Variants in CDH23 observed in about 807,000 individuals in gnomAD.
The protein encoded by CDH23 is cadherin related 23, also known as cadherin-23.
Under a neutral mutation model 317.1 loss-of-function variants are expected in CDH23, and 189 were observed. The ratio of observed to expected loss-of-function variants is 0.60; its 90% confidence interval spans 0.53 to 0.67. The LOEUF is 0.67. Among genes scored for constraint, CDH23 ranks in the 30% least tolerant of loss-of-function variants. CDH23 has a pLI of 0.00. For missense variants in CDH23, 4,401 were observed against 4,592.4 expected, an observed-to-expected ratio of 0.96 and a Z score of 1.20; for synonymous variants, 1,839 against 1,876.8, an observed-to-expected ratio of 0.98 and a Z score of 0.52.
chr10:71,688,863 G>C (rs1865036739), intron 19 of CDH23, among the ~76,000 whole-genome samples: 1 of 130,740 alleles, frequency 7.6e-6, no homozygotes, highest in African/African-American at 2.8e-5. Context: ...AGGGGTGGTG[G>C]AGTCAGGGAT....
chr10:71,801,826 G>A (rs1841565751), intron 53 of CDH23, among the ~76,000 whole-genome samples: 2 of 152,170 alleles, frequency 1.3e-5, no homozygotes, highest in African/African-American at 4.8e-5. Context: ...ACACATGCAT[G>A]TGCTGTGTTG....
At chr10:71,761,614 C>T (rs3747867) in intron 38 of CDH23, 396,593 of 1,592,606 alleles carry the variant, frequency 0.25, 50,836 homozygotes, top group Non-Finnish European at 0.27. Flanking sequence ...GCACCTGCAG[C>T]TCCATGGCAC....
At position 71,728,064 on chromosome 10, in the gene CDH23, A is replaced by G. The variant is rs143303743; in HGVS notation, c.3580-2405A>G. 3.6e-3 allele frequency among the ~76,000 whole-genome samples: 544 copies of G among 152,132 alleles called. 4 individuals carry two copies. The highest frequency in any genetic ancestry group is 0.012 in the African/African-American group (514 of 41,500). On this transcript the variant is annotated intron_variant, in intron 30 of 69. Coordinates refer to ENST00000224721, the MANE Select transcript of CDH23 (RefSeq NM_022124.6). Reference sequence around the variant, plus strand: ...GTCAGCCTGGCCCTGTTTTTTCCCCACAACCCTTGGAGTCAAGGTCATTTG... The same window carrying G: ...GTCAGCCTGGCCCTGTTTTTTCCCCGCAACCCTTGGAGTCAAGGTCATTTG...
At chr10:71,783,082 T>C (rs10823844) in intron 41 of CDH23, among the ~76,000 whole-genome samples, 78,504 of 152,092 alleles carry the variant, frequency 0.52, 20,684 homozygotes, top group Middle Eastern at 0.71. Flanking sequence ...CAGTGCCCCA[T>C]TCTGGGCCCT....
intron 44 of CDH23, among the ~76,000 whole-genome samples, chr10:71,788,562 T>A (rs1387469480): frequency 6.6e-6 from 1 of 151,974 alleles, no homozygotes; most frequent in Non-Finnish European, 1.5e-5. Context: ...TTCATGCCAT[T>A]CTCCTGCCTC....
intron 6 of CDH23, among the ~76,000 whole-genome samples, chr10:71,538,837 T>C (rs772805040): frequency 2.6e-5 from 4 of 152,232 alleles, no homozygotes; most frequent in Non-Finnish European, 4.4e-5. Context: ...TGGGAGTTCT[T>C]ACCGCTCAGT....
chr10:71,403,433 CTTCCTTCCTTCCTTCCTTCCT>C (rs1847926191), intron 1 of CDH23, among the ~76,000 whole-genome samples: 5 of 71,490 alleles, frequency 7.0e-5, no homozygotes, highest in Admixed American at 6.1e-4. Flanking sequence ...TCCTTCCTTC[CTTCCTTCCTTCCTTCCTTCCT>C]TTCCTTCCTT....
intron 6 of CDH23, among the ~76,000 whole-genome samples, chr10:71,523,519 T>A (rs1255820320): frequency 1.3e-5 from 2 of 152,144 alleles, no homozygotes; most frequent in Non-Finnish European, 2.9e-5. Flanking sequence ...GTGGAAGTAA[T>A]GCCTAAAGTG....
Position 71,730,490 on chromosome 10 carries a change from A to C in CDH23, c.3601A>C (p.Ile1201Leu), listed in dbSNP as rs1174003579. Residue 1201 changes from isoleucine to leucine, a missense_variant, in exon 31 of 70, where the codon ATC (isoleucine) becomes CTC (leucine). Around this residue, in one of 3 missense-constraint regions of CDH23, gnomAD observed 3,068 missense variants for 3,203.3 expected, o/e 0.96. Transcript: ENST00000224721. ...SVRVIVYVEDINDEAPVFTQQ... is the reference protein window; with the variant it reads ...SVRVIVYVEDLNDEAPVFTQQ... ...ACAGGTGATTGTGTACGTGGAGGAC[A>C]TCAACGATGAGGCCCCCGTGTTCAC... The C allele has an allele frequency of 6.2e-7, 1 of 1,613,740 alleles. No individual in the cohort carries two copies. The highest frequency in any genetic ancestry group is 8.5e-7 in the Non-Finnish European group (1 of 1,179,874).
chr10:71,599,978 T>C (rs932370571), intron 9 of CDH23, among the ~76,000 whole-genome samples: 1 of 150,518 alleles, frequency 6.6e-6, no homozygotes, highest in Non-Finnish European at 1.5e-5. Flanking sequence ...ATTTACACCT[T>C]CAATGTCTTT....
At chr10:71,495,337 A>AG (rs1852901596) in intron 3 of CDH23, among the ~76,000 whole-genome samples, 1 of 151,996 alleles carries the variant, frequency 6.6e-6, no homozygotes, top group African/African-American at 2.4e-5. Flanking sequence ...GGAGGGTGGG[A>AG]GGAGGGCAGG....
chr10:71,580,333 G>T (rs1204605436), intron 9 of CDH23, among the ~76,000 whole-genome samples: 3 of 152,212 alleles, frequency 2.0e-5, no homozygotes, highest in Admixed American at 6.5e-5. Context: ...CAAACAACAG[G>T]GTGAGAAGGG....
chr10:71,705,209 C>T, intron 25 of CDH23, 79 bp downstream of exon 25: 3 of 1,308,780 alleles, frequency 2.3e-6, no homozygotes, highest in Non-Finnish European at 3.1e-6. Flanking sequence ...TAGAGGGGAG[C>T]CCATGTCCCC....
At chr10:71,791,638 C>A (rs914980940) in intron 47 of CDH23, among the ~76,000 whole-genome samples, 1 of 151,264 alleles carries the variant, frequency 6.6e-6, no homozygotes, top group Non-Finnish European at 1.5e-5. Context: ...TGCAATGGCA[C>A]AATCTCGGCT....
intron 6 of CDH23, among the ~76,000 whole-genome samples, chr10:71,541,536 T>C (rs1855990823): frequency 6.6e-6 from 1 of 152,210 alleles, no homozygotes; most frequent in South Asian, 2.1e-4. Flanking sequence ...GTGGAGAGTG[T>C]GCGTGCTATC....
chr10:71,575,067 C>T (rs182673358), intron 8 of CDH23, among the ~76,000 whole-genome samples: 8 of 152,280 alleles, frequency 5.3e-5, no homozygotes, highest in African/African-American at 1.9e-4. Context: ...TTGCTGGGGG[C>T]CCCACACAGT....
chr10:71,742,066 A>G (rs931800827), intron 38 of CDH23, 145 bp downstream of exon 38: 7 of 743,964 alleles, frequency 9.4e-6, no homozygotes, highest in Non-Finnish European at 1.5e-5. Context: ...CCTTTAGTCC[A>G]TCTGCCCAAG....
At chr10:71,661,942 C>T (rs1158559206) in intron 14 of CDH23, among the ~76,000 whole-genome samples, 3 of 148,536 alleles carry the variant, frequency 2.0e-5, no homozygotes, top group South Asian at 4.3e-4. Flanking sequence ...TCACACCCTG[C>T]GCGCACACAC....
At chr10:71,533,322 C>G (rs1453181890) in intron 6 of CDH23, among the ~76,000 whole-genome samples, 1 of 152,176 alleles carries the variant, frequency 6.6e-6, no homozygotes, top group Non-Finnish European at 1.5e-5. Flanking sequence ...ACCTCCCTGC[C>G]ACCTCACAGG....
Sources: gnomAD v4.1 joint callset for allele counts (sites outside exome capture counted in the v4.1 genomes callset) on GRCh38, gnomAD v4.1.1 for gene constraint, gnomAD v4.1.1 regional missense constraint, MANE v1.5 for transcripts, NCBI Gene and HGNC (gene_info 2026-07-23, HGNC 2026-07-21) for gene names.